The following EYS variants were observed in gnomAD, a reference collection of about 807,000 sequenced individuals.
EYS encodes the protein EGF-like photoreceptor maintenance factor, also known as protein eyes shut homolog.
A neutral mutation model predicts 282.1 loss-of-function variants in EYS; 250 were observed. The observed-to-expected ratio is 0.89, with a 90% CI of 0.80 to 0.98. EYS has a LOEUF of 0.98. EYS is among the 50% of genes least tolerant of loss of function. EYS has a pLI of 0.00. For synonymous variants in EYS, 1,355 were observed against 1,282.9 expected, an observed-to-expected ratio of 1.06 and a Z score of -1.20; for missense variants, 4,016 against 3,709.0, an observed-to-expected ratio of 1.08 and a Z score of -2.15.
At chr6:65,542,471 G>C (rs956293281) in intron 2 of EYS, among the ~76,000 whole-genome samples, 1 of 114,972 alleles carries the variant, frequency 8.7e-6, no homozygotes, top group African/African-American at 4.1e-5. Context: ...GATAACAATA[G>C]AATGTGTGTG....
chr6:65,061,641 AACACACACACAT>A, intron 12 of EYS, among the ~76,000 whole-genome samples: 1 of 151,668 alleles, frequency 6.6e-6, no homozygotes, highest in East Asian at 1.9e-4. Flanking sequence ...AATTCCACCT[AACACACACACAT>A]ACACACACAC....
intron 36 of EYS, among the ~76,000 whole-genome samples, chr6:63,830,648 T>C (rs1343043292): frequency 6.6e-6 from 1 of 152,206 alleles, no homozygotes; most frequent in East Asian, 1.9e-4. Context: ...CTCTTCAGGA[T>C]ATTATCCAGG....
chr6:64,209,333 G>A (rs1219082566), intron 31 of EYS, among the ~76,000 whole-genome samples: 2 of 151,962 alleles, frequency 1.3e-5, no homozygotes, highest in Non-Finnish European at 2.9e-5. Flanking sequence ...ATATCATACT[G>A]GTCATTTCTT....
intron 13 of EYS, among the ~76,000 whole-genome samples, chr6:65,011,933 G>A (rs899320181): frequency 6.6e-6 from 1 of 152,114 alleles, no homozygotes; most frequent in Non-Finnish European, 1.5e-5. Context: ...TTGTATGGGA[G>A]CTCTGTTTTC....
intron 32 of EYS, among the ~76,000 whole-genome samples, chr6:64,079,369 T>A (rs963297505): frequency 6.6e-6 from 1 of 152,062 alleles, no homozygotes; most frequent in African/African-American, 2.4e-5. Context: ...AATTTAATGT[T>A]AAAAACTACT....
intron 22 of EYS, among the ~76,000 whole-genome samples, chr6:64,657,689 C>G (rs558470463): frequency 5.0e-4 from 76 of 152,294 alleles, no homozygotes; most frequent in African/African-American, 1.8e-3. Context: ...GGCCCCCACT[C>G]TCTTCTGGCT....
At chr6:65,030,249 G>A (rs1197226481) in intron 13 of EYS, among the ~76,000 whole-genome samples, 1 of 152,114 alleles carries the variant, frequency 6.6e-6, no homozygotes, top group Non-Finnish European at 1.5e-5. Flanking sequence ...CTGCTTGGCT[G>A]ATGCTGCTTG....
intron 26 of EYS, among the ~76,000 whole-genome samples, chr6:64,507,637 G>A (rs534310274): frequency 6.6e-6 from 1 of 151,992 alleles, no homozygotes; most frequent in African/African-American, 2.4e-5. Context: ...GAATCAACTG[G>A]GTAAAGCTAG....
intron 19 of EYS, among the ~76,000 whole-genome samples, chr6:64,861,127 G>C (rs965828151): frequency 6.6e-6 from 1 of 152,220 alleles, no homozygotes; most frequent in Admixed American, 6.5e-5. Flanking sequence ...TTCTGCCACT[G>C]TTCATGGTGT....
intron 31 of EYS, among the ~76,000 whole-genome samples, chr6:64,094,288 T>C (rs1352724717): frequency 6.6e-6 from 1 of 150,592 alleles, no homozygotes; most frequent in Non-Finnish European, 1.5e-5. Context: ...TTAAGGAGGA[T>C]TCCTTTTTTT....
At chr6:65,423,742 C>A (rs1284824134) in intron 5 of EYS, among the ~76,000 whole-genome samples, 3 of 151,922 alleles carry the variant, frequency 2.0e-5, no homozygotes, top group Non-Finnish European at 4.4e-5. Context: ...CCTCTCCTCC[C>A]AAACCTACTA....
chr6:65,543,881 A>G (rs1380190941), intron 2 of EYS, among the ~76,000 whole-genome samples: 1 of 152,166 alleles, frequency 6.6e-6, no homozygotes, highest in Non-Finnish European at 1.5e-5. Context: ...TCTCTCTACC[A>G]TTGCTGGAGT....
At chr6:65,425,258 C>A (rs147853284) in intron 5 of EYS, among the ~76,000 whole-genome samples, 1 of 152,044 alleles carries the variant, frequency 6.6e-6, no homozygotes, top group African/African-American at 2.4e-5. Flanking sequence ...TAGATGTGTT[C>A]TCCATGATCA....
At chr6:64,740,735 A>C (rs1339180145) in intron 22 of EYS, among the ~76,000 whole-genome samples, 212 of 106,210 alleles carry the variant, frequency 2.0e-3, no homozygotes, top group African/African-American at 7.6e-3. Context: ...TTTTTTTTTT[A>C]CTGAGTCTCG....
At chr6:65,239,855 A>G (rs1767013120) in intron 12 of EYS, among the ~76,000 whole-genome samples, 1 of 152,148 alleles carries the variant, frequency 6.6e-6, no homozygotes, top group Admixed American at 6.6e-5. Flanking sequence ...ACCCTGATGA[A>G]TGTTTTACTT....
At chr6:64,728,557 T>G (rs958120740) in intron 22 of EYS, among the ~76,000 whole-genome samples, 13 of 152,206 alleles carry the variant, frequency 8.5e-5, no homozygotes, top group Admixed American at 2.6e-4. Context: ...GGATGGTCTC[T>G]ATCTCCTGAC....
At chr6:64,592,370 AC>A (rs1312648518) in intron 25 of EYS, among the ~76,000 whole-genome samples, 16 of 152,290 alleles carry the variant, frequency 1.1e-4, no homozygotes, top group African/African-American at 3.8e-4. Context: ...ATACCGTTTT[AC>A]TTCCTCAATA....
chr6:64,804,312 T>C (rs1250364594), intron 22 of EYS, among the ~76,000 whole-genome samples: 1 of 152,188 alleles, frequency 6.6e-6, no homozygotes, highest in Non-Finnish European at 1.5e-5. Context: ...GTAAAGATAG[T>C]AGAACTGGAC....
intron 33 of EYS, among the ~76,000 whole-genome samples, chr6:64,051,345 A>T (rs776860702): frequency 5.3e-5 from 8 of 152,162 alleles, no homozygotes; most frequent in Non-Finnish European, 2.9e-5. Context: ...TTATAGAGTT[A>T]TATGTGTCCT....
Sources: gnomAD v4.1 joint callset for allele counts (sites outside exome capture counted in the v4.1 genomes callset) on GRCh38, gnomAD v4.1.1 for gene constraint, MANE v1.5 for transcripts, NCBI Gene and HGNC (gene_info 2026-07-23, HGNC 2026-07-21) for gene names.